The following SLC43A2 variants were observed in gnomAD, a reference collection of about 807,000 sequenced individuals.
SLC43A2 encodes large neutral amino acids transporter small subunit 4.
Under a neutral mutation model 63.2 loss-of-function variants are expected in SLC43A2, and 38 were observed. The ratio of observed to expected loss-of-function variants is 0.60; its 90% CI spans 0.46 to 0.79. The LOEUF is 0.79. SLC43A2 is among the 30% of genes least tolerant of loss of function. The pLI, the probability that SLC43A2 is intolerant of heterozygous loss-of-function variation, is 0.00. For missense variants in SLC43A2, 644 were observed against 756.2 expected, an observed-to-expected ratio of 0.85 and a Z score of 1.74; for synonymous variants, 322 against 331.0, an observed-to-expected ratio of 0.97 and a Z score of 0.30.
intron 3 of SLC43A2, among the ~76,000 whole-genome samples, chr17:1,615,378 G>A (rs888627165): frequency 6.6e-6 from 1 of 151,874 alleles, no homozygotes; most frequent in African/African-American, 2.4e-5. Context: ...CCAAAAAGCT[G>A]GGATTACCAG....
intron 5 of SLC43A2, among the ~76,000 whole-genome samples, chr17:1,594,341 G>A (rs964528759): frequency 2.0e-5 from 3 of 152,102 alleles, no homozygotes; most frequent in South Asian, 2.1e-4. Flanking sequence ...TCATTCTACC[G>A]AAATCCAGGC....
rs185133305 is a variant in SLC43A2 at position 1,594,642 on chromosome 17, C to T, written c.502-1363G>A. On this transcript the variant is annotated intron_variant, in intron 5 of 13. Coordinates refer to ENST00000301335, the MANE Select transcript of SLC43A2 (RefSeq NM_152346.3). ...TCGCTCTTTCGCCCAGGCTGTACTGCAGTGGCTCTATCTCGGCTCACTGCA... is the reference window on the plus strand; with the variant it reads ...TCGCTCTTTCGCCCAGGCTGTACTGTAGTGGCTCTATCTCGGCTCACTGCA... Among the ~76,000 whole-genome samples the T allele has an allele frequency of 1.5e-3, 200 of 135,150 alleles. 8 individuals are homozygous for T. The East Asian group carries it at 0.038, about 26-fold the overall frequency. The allele number at this position is 135,150 out of a possible 152,430, so 88.7% of individuals were successfully genotyped here.
Position 1,593,050 on chromosome 17 carries a change from C to A in SLC43A2, c.594+137G>T. On this transcript the variant is annotated intron_variant, in intron 6 of 13. Transcript: ENST00000301335. The surrounding 1 kb of genome is among the most constrained non-coding windows in gnomAD (Gnocchi z 5.3). The stretch of plus-strand genomic sequence containing the variant: ...TTTCATTTGTCGCCCCTGTGATGCC[C>A]AGGTGCATCCTGCCCGGGTGGGGGT... The A allele has an allele frequency of 1.3e-6, 1 of 747,186 alleles. No homozygotes were observed. The highest frequency in any genetic ancestry group is 2.3e-6 in the Non-Finnish European group (1 of 441,434). The allele number at this position is 747,186 out of a possible 1,614,324, so 46.3% of individuals were successfully genotyped here.
At chr17:1,594,691 C>A (rs1278348004) in intron 5 of SLC43A2, among the ~76,000 whole-genome samples, 2 of 148,024 alleles carry the variant, frequency 1.4e-5, no homozygotes, top group Non-Finnish European at 3.0e-5. Flanking sequence ...AGGTTCACGC[C>A]ATTCTCCTGC....
intron 5 of SLC43A2, among the ~76,000 whole-genome samples, chr17:1,599,611 G>A (rs562321292): frequency 2.0e-5 from 3 of 151,734 alleles, no homozygotes; most frequent in Admixed American, 6.6e-5. Flanking sequence ...TGAAGCAGCA[G>A]AATCGCTTGA....
chr17:1,588,093 T>C (rs1904382814), intron 9 of SLC43A2, among the ~76,000 whole-genome samples: 1 of 152,240 alleles, frequency 6.6e-6, no homozygotes, highest in Admixed American at 6.5e-5. Context: ...GGCCACGTCT[T>C]CCCCATCTCA....
In SLC43A2 at chr17:1,583,698, T is replaced by G; in HGVS notation, c.1218-362A>C. 4.7e-6 allele frequency: 1 copy of G among 212,318 alleles called. No individual in the cohort carries two copies. Among genetic ancestry groups the G allele is most frequent in the African/African-American group, 2.3e-5 (1 of 44,214 alleles). 13.2% of individuals were successfully genotyped at this position (212,318 alleles called of 1,614,324 possible). A position where few individuals can be genotyped will look rare whatever the true frequency, so the allele number is the denominator to read the frequency against. ...ACTGGCTTCAAGTTCACCCAAATCT[T>G]GCAGGACGCTGATAAGAAGCCAGAT... is the stretch of plus-strand genomic sequence containing the variant. On this transcript the variant is annotated intron_variant, in intron 10 of 13. Coordinates refer to ENST00000301335, the MANE Select transcript of SLC43A2 (RefSeq NM_152346.3). This position sits in a 1 kb window ranked among gnomAD's most constrained non-coding sequence, Gnocchi z 5.5.
At position 1,570,531 on chromosome 17, in the gene SLC43A2, G is replaced by A. The variant is rs1158553319; in HGVS notation, c.*5073C>T. On this transcript the variant is annotated 3_prime_UTR_variant, in exon 14 of 14. Coordinates refer to ENST00000301335, the MANE Select transcript of SLC43A2 (RefSeq NM_152346.3). ...AGACGGAGTCTCGCTCTGTCGCCCAGGCTGGAGTGCAGTGGCGGGATCTCG... is the reference window on the plus strand; with the variant it reads ...AGACGGAGTCTCGCTCTGTCGCCCAAGCTGGAGTGCAGTGGCGGGATCTCG... The A allele has an allele frequency of 6.8e-6, 1 of 147,216 alleles. No homozygotes were observed. Among genetic ancestry groups the A allele is most frequent in the Admixed American group, 6.8e-5 (1 of 14,722 alleles). 9.1% of individuals were successfully genotyped at this position (147,216 alleles called of 1,614,324 possible). A position where few individuals can be genotyped will look rare whatever the true frequency, so the allele number is the denominator to read the frequency against.
intron 9 of SLC43A2, among the ~76,000 whole-genome samples, chr17:1,588,276 C>T (rs1469359620): frequency 6.6e-6 from 1 of 152,000 alleles, no homozygotes; most frequent in African/African-American, 2.4e-5. Context: ...ACCCCAGCTA[C>T]TTGGGAGGCT....
At chr17:1,618,552 G>C (rs1907885911) in intron 2 of SLC43A2, among the ~76,000 whole-genome samples, 1 of 152,244 alleles carries the variant, frequency 6.6e-6, no homozygotes, top group Non-Finnish European at 1.5e-5. Flanking sequence ...AGTCCCGTCA[G>C]CGTGTGTGGA....
In SLC43A2 at chr17:1,585,009, A is replaced by G. The variant is rs62087983; in HGVS notation, c.1217+904T>C. Among the ~76,000 whole-genome samples, 430 of 152,182 alleles carry G rather than the reference A, an allele frequency of 2.8e-3. 1 individual carries two copies. Among genetic ancestry groups the G allele is most frequent in the Non-Finnish European group, 4.9e-3 (332 of 68,012 alleles). On this transcript the variant is annotated intron_variant, in intron 10 of 13. Transcript: ENST00000301335. Reference sequence around the variant, plus strand: ...TGACCGGAATAAACCTTGCAGGCAGATAACAAAGGGTTGGTGGGCTGCATG... The same window carrying G: ...TGACCGGAATAAACCTTGCAGGCAGGTAACAAAGGGTTGGTGGGCTGCATG...
At position 1,578,384 on chromosome 17, in the gene SLC43A2, G is replaced by A. The variant is rs368273415; in HGVS notation, c.1351-61C>T. The A allele has an allele frequency of 2.0e-5, 30 of 1,522,196 alleles. No homozygotes were observed. The highest frequency in any genetic ancestry group is 7.1e-5 in the East Asian group (3 of 42,446). 94.3% of individuals were successfully genotyped at this position (1,522,196 alleles called of 1,614,324 possible). On this transcript the variant is annotated intron_variant, in intron 11 of 13. Transcript: ENST00000301335. This position sits in a 1 kb window ranked among gnomAD's most constrained non-coding sequence, Gnocchi z 6.5. Reference sequence around the variant, plus strand: ...TTAAGGGACCGTCCCCTCAGCCCCCGCCCTCCAATTCCTGGGGGCCCTCAC... The same window carrying A: ...TTAAGGGACCGTCCCCTCAGCCCCCACCCTCCAATTCCTGGGGGCCCTCAC...
chr17:1,593,236 A>C lies in SLC43A2; in HGVS notation c.545T>G (p.Leu182Trp). Residue 182 changes from leucine (L) to tryptophan (W), a missense_variant, in exon 6 of 14, where the codon TTG (leucine) becomes TGG (tryptophan). By Grantham distance (61) the Leu-to-Trp change is moderately conservative (BLOSUM62 -2). Transcript: ENST00000301335. This position sits in a 1 kb window ranked among gnomAD's most constrained non-coding sequence, Gnocchi z 5.3. Reference sequence around the variant, plus strand: ...CGAGGAGGCGTAGGACCCAATCATCAAGGCAATAAACGTGGACCGAAGGTC... The same window carrying C: ...CGAGGAGGCGTAGGACCCAATCATCCAGGCAATAAACGTGGACCGAAGGTC... ...FGDLRSTFIA[L>W]MIGSYASSAV... The C allele has an allele frequency of 6.2e-7, 1 of 1,614,096 alleles. No individual in the cohort carries two copies. The highest frequency in any genetic ancestry group is 8.5e-7 in the Non-Finnish European group (1 of 1,179,998).
chr17:1,585,830 C>A, intron 10 of SLC43A2, 83 bp downstream of exon 10: 1 of 1,607,818 alleles, frequency 6.2e-7, no homozygotes, highest in Non-Finnish European at 8.5e-7. Context: ...CTGTCCCACC[C>A]ACCCTGTGCC....
Position 1,605,086 on chromosome 17 carries a change from G to A in SLC43A2, c.501+8109C>T. On this transcript the variant is annotated intron_variant, in intron 5 of 13. Transcript: ENST00000301335. The surrounding 1 kb of genome is among the most constrained non-coding windows in gnomAD (Gnocchi z 4.9). ...CTGACTCACCACCACACTCACAGGT[G>A]GGAGTGCAAGCCCCTCTTCCCGCCC... 7.3e-7 allele frequency: 1 copy of A among 1,376,324 alleles called. No homozygotes were observed. The highest frequency in any genetic ancestry group is 9.4e-7 in the Non-Finnish European group (1 of 1,062,944). 85.3% of individuals were successfully genotyped at this position (1,376,324 alleles called of 1,614,324 possible).
At chr17:1,586,927 A>AGGGGGCCCCCCCC in intron 9 of SLC43A2, 8 of 1,355,886 alleles carry the variant, frequency 5.9e-6, no homozygotes, top group Non-Finnish European at 8.1e-6. Context: ...TTCCCTGACA[A>AGGGGGCCCCCCCC]TCCCCCCCAC....
rs1458892263 is a variant in SLC43A2, at chr17:1,583,068, G to C, written c.1350+136C>G. On this transcript the variant is annotated intron_variant, in intron 11 of 13. Transcript: ENST00000301335. This position sits in a 1 kb window ranked among gnomAD's most constrained non-coding sequence, Gnocchi z 5.5. ...CACTCCAGCCTGAGCAACAGAGTTT[G>C]ACTCTGTCTCAAAAAAATAAAGAAA... 12 of 965,078 alleles carry C rather than the reference G, an allele frequency of 1.2e-5. No individual in the cohort carries two copies. The African/African-American group carries it at 1.6e-4, about 13-fold the overall frequency. 59.8% of individuals were successfully genotyped at this position (965,078 alleles called of 1,614,324 possible).
chr17:1,592,696 G>C (rs1904933302), intron 6 of SLC43A2, among the ~76,000 whole-genome samples: 1 of 152,198 alleles, frequency 6.6e-6, no homozygotes, highest in Non-Finnish European at 1.5e-5. Flanking sequence ...TGGGGAACTT[G>C]GGCTGATGGA....
At chr17:1,580,678 C>T (rs2075998483) in intron 11 of SLC43A2, among the ~76,000 whole-genome samples, 1 of 151,840 alleles carries the variant, frequency 6.6e-6, no homozygotes, top group Admixed American at 6.6e-5. Flanking sequence ...TGTTCTCCCT[C>T]AGCCTCCTGA....
Sources: allele counts gnomAD v4.1 joint callset (sites outside exome capture counted in the v4.1 genomes callset), GRCh38; gene constraint gnomAD v4.1.1; non-coding constraint Gnocchi (gnomAD v3.1); transcripts MANE v1.5; gene names NCBI Gene and HGNC (gene_info 2026-07-23, HGNC 2026-07-21).